Variants in PLEKHG1 observed in about 807,000 individuals in gnomAD.
The protein encoded by PLEKHG1 is pleckstrin homology and RhoGEF domain containing G1, also known as pleckstrin homology domain-containing family G member 1.
PLEKHG1 carries 44 observed loss-of-function variants against 100.8 expected under a neutral mutation model. That is an observed-to-expected ratio of 0.44 (90% CI 0.34 to 0.56). The LOEUF is 0.56. Ranked by LOEUF, PLEKHG1 falls within the 20% of genes least tolerant of loss-of-function variation. The pLI is 0.01. For synonymous variants in PLEKHG1, 640 were observed against 662.5 expected, an observed-to-expected ratio of 0.97 and a Z score of 0.52; for missense variants, 1,545 against 1,720.9, an observed-to-expected ratio of 0.90 and a Z score of 1.81.
exon 16 of PLEKHG1, chr6:150,840,369 C>A: frequency 6.2e-7 from 1 of 1,614,166 alleles, no homozygotes; most frequent in Non-Finnish European, 8.5e-7. Flanking sequence ...GCTGTCTTTA[C>A]ACAGAAGTTC....
chr6:150,715,026 T>C (rs946826197), intron 3 of PLEKHG1, among the ~76,000 whole-genome samples: 3 of 151,664 alleles, frequency 2.0e-5, no homozygotes, highest in Admixed American at 1.3e-4. Flanking sequence ...CTCGAACTCC[T>C]GGCCCCAAAT....
At chr6:150,758,143 G>A (rs899648560) in intron 2 of PLEKHG1, among the ~76,000 whole-genome samples, 7 of 152,036 alleles carry the variant, frequency 4.6e-5, no homozygotes, top group Non-Finnish European at 8.8e-5. Context: ...TTGAACATAC[G>A]CACACATGTA....
intron 1 of PLEKHG1, among the ~76,000 whole-genome samples, chr6:150,723,955 G>T (rs986479916): frequency 2.0e-5 from 3 of 152,238 alleles, no homozygotes; most frequent in Non-Finnish European, 4.4e-5. Flanking sequence ...TGGAAACACA[G>T]CAGGGGCTGT....
intron 6 of PLEKHG1, among the ~76,000 whole-genome samples, chr6:150,802,854 G>T (rs953326143): frequency 6.6e-6 from 1 of 151,954 alleles, no homozygotes; most frequent in Non-Finnish European, 1.5e-5. Context: ...TAGAGACGGG[G>T]TTTCACCATG....
intron 3 of PLEKHG1, among the ~76,000 whole-genome samples, chr6:150,670,205 A>G (rs373961512): frequency 1.8e-4 from 28 of 152,210 alleles, no homozygotes; most frequent in East Asian, 1.7e-3. Flanking sequence ...TGAGGAATCA[A>G]TTTTCAAAAA....
intron 3 of PLEKHG1, among the ~76,000 whole-genome samples, chr6:150,695,296 G>C (rs1042385026): frequency 1.3e-5 from 2 of 152,102 alleles, no homozygotes; most frequent in Non-Finnish European, 2.9e-5. Context: ...TGGTAATTTT[G>C]AAAAACTTAA....
chr6:150,785,111 G>T (rs1417803835), intron 3 of PLEKHG1, among the ~76,000 whole-genome samples: 1 of 151,730 alleles, frequency 6.6e-6, no homozygotes, highest in African/African-American at 2.4e-5. Flanking sequence ...GAAACTGAGA[G>T]TAAATAATAC....
At chr6:150,737,281 ATTT>A (rs34129872) in intron 2 of PLEKHG1, among the ~76,000 whole-genome samples, 78 of 117,004 alleles carry the variant, frequency 6.7e-4, no homozygotes, top group Admixed American at 9.2e-4. Context: ...TCATATGGGT[ATTT>A]TTTTTTTTTT....
chr6:150,685,379 G>C (rs1780084098), intron 3 of PLEKHG1, among the ~76,000 whole-genome samples: 1 of 152,100 alleles, frequency 6.6e-6, no homozygotes, highest in African/African-American at 2.4e-5. Context: ...GAACCCATCT[G>C]AGCCCAGCTC....
At chr6:150,671,828 A>C (rs1779596084) in intron 3 of PLEKHG1, among the ~76,000 whole-genome samples, 1 of 152,196 alleles carries the variant, frequency 6.6e-6, no homozygotes, top group Admixed American at 6.5e-5. Context: ...GGCAGTGAGC[A>C]GTGGGGATGG....
At chr6:150,731,704 T>G (rs1327170417) in intron 1 of PLEKHG1, among the ~76,000 whole-genome samples, 1 of 152,192 alleles carries the variant, frequency 6.6e-6, no homozygotes, top group Non-Finnish European at 1.5e-5. Flanking sequence ...TGTGGTAAGG[T>G]AACCTAGCAA....
intron 1 of PLEKHG1, among the ~76,000 whole-genome samples, chr6:150,732,011 G>A (rs1165120762): frequency 6.7e-6 from 1 of 149,346 alleles, no homozygotes; most frequent in African/African-American, 2.5e-5. Context: ...GCCCAGTCTG[G>A]AGTGCAGTGG....
chr6:150,738,198 A>T (rs1356551436), intron 2 of PLEKHG1, among the ~76,000 whole-genome samples: 1 of 152,150 alleles, frequency 6.6e-6, no homozygotes, highest in Non-Finnish European at 1.5e-5. Context: ...CTACAGTAGC[A>T]TGATTTCTGA....
chr6:150,835,420 CCT>C (rs953482675), intron 15 of PLEKHG1, among the ~76,000 whole-genome samples: 8 of 152,100 alleles, frequency 5.3e-5, no homozygotes, highest in East Asian at 1.9e-4. Flanking sequence ...TTATTTTAAT[CCT>C]CTGTCTGGAG....
At chr6:150,618,293 G>C (rs528774725) in intron 1 of PLEKHG1, among the ~76,000 whole-genome samples, 26 of 152,328 alleles carry the variant, frequency 1.7e-4, no homozygotes, top group African/African-American at 6.0e-4. Context: ...CTGCTGAATT[G>C]AATGATTGTT....
chr6:150,749,881 G>A (rs1031439584), intron 2 of PLEKHG1, among the ~76,000 whole-genome samples: 1 of 152,050 alleles, frequency 6.6e-6, no homozygotes, highest in Non-Finnish European at 1.5e-5. Context: ...AGAACAGCCT[G>A]GCCAACATAG....
intron 3 of PLEKHG1, among the ~76,000 whole-genome samples, chr6:150,685,373 C>T (rs748677404): frequency 1.3e-5 from 2 of 152,100 alleles, no homozygotes; most frequent in African/African-American, 2.4e-5. Flanking sequence ...TCCGCTGAAC[C>T]CATCTGAGCC....
chr6:150,703,295 T>G (rs1780874269), intron 3 of PLEKHG1, among the ~76,000 whole-genome samples: 1 of 152,142 alleles, frequency 6.6e-6, no homozygotes, highest in Admixed American at 6.5e-5. Context: ...AAATATAATT[T>G]TATTCAGTCC....
chr6:150,649,339 T>C (rs1279091523), intron 2 of PLEKHG1, among the ~76,000 whole-genome samples: 1 of 152,226 alleles, frequency 6.6e-6, no homozygotes, highest in Non-Finnish European at 1.5e-5. Flanking sequence ...GGCACTCTAG[T>C]TGGGCTATTT....
Sources: gnomAD v4.1 joint callset for allele counts (sites outside exome capture counted in the v4.1 genomes callset) on GRCh38, gnomAD v4.1.1 for gene constraint, MANE v1.5 for transcripts, NCBI Gene and HGNC (gene_info 2026-07-23, HGNC 2026-07-21) for gene names.